SRRM4: variants seen among roughly 807,000 people sequenced by gnomAD.
The protein encoded by SRRM4 is serine/arginine repetitive matrix protein 4.
Under a neutral mutation model 68.9 loss-of-function variants are expected in SRRM4, and 33 were observed. That is an observed-to-expected ratio of 0.48 (90% confidence interval 0.36 to 0.64). SRRM4 has a LOEUF of 0.64. Among genes scored for constraint, SRRM4 ranks in the 30% least tolerant of loss-of-function variants. The pLI, the probability that SRRM4 is intolerant of heterozygous loss-of-function variation, is 0.00. For synonymous variants in SRRM4, 318 were observed against 318.8 expected, an observed-to-expected ratio of 1.00 and a Z score of 0.03; for missense variants, 817 against 827.1, an observed-to-expected ratio of 0.99 and a Z score of 0.15.
chr12:119,011,296 C>G (rs980022181), intron 1 of SRRM4, among the ~76,000 whole-genome samples: 1 of 152,162 alleles, frequency 6.6e-6, no homozygotes, highest in Non-Finnish European at 1.5e-5. Context: ...GTTTTTCAAC[C>G]TTGGCACTAC....
intron 1 of SRRM4, among the ~76,000 whole-genome samples, chr12:119,092,800 C>T (rs1236241915): frequency 6.6e-6 from 1 of 152,102 alleles, no homozygotes; most frequent in African/African-American, 2.4e-5. Flanking sequence ...CCAATGAAGC[C>T]TCCAATGGCA....
chr12:119,059,043 C>T (rs1037224687), intron 1 of SRRM4, among the ~76,000 whole-genome samples: 1 of 152,178 alleles, frequency 6.6e-6, no homozygotes, highest in African/African-American at 2.4e-5. Context: ...GCCCAGCCCT[C>T]CTCTGTGCCC....
intron 9 of SRRM4, among the ~76,000 whole-genome samples, chr12:119,150,689 GA>G (rs1954433231): frequency 6.6e-6 from 1 of 152,078 alleles, no homozygotes; most frequent in South Asian, 2.1e-4. Context: ...ACTAGACAGG[GA>G]ATAAATTTCT....
chr12:119,160,289 G>GTCTCTCTCTCTCTCTCTCTCTGTCTC lies in SRRM4; in HGVS notation c.*3512_*3513insGTCTCTCTCTCTCTCTCTCTCTCTCT, dbSNP rs1954503927. On this transcript the variant is annotated 3_prime_UTR_variant, in exon 13 of 13. Transcript: ENST00000267260. ...TGTCTCTCTCTCTGTCTCTCTCTCT[G>GTCTCTCTCTCTCTCTCTCTCTGTCTC]TCTCTCTCTCTCTCTCTCTCTCTCT... 4 of 143,158 alleles carry GTCTCTCTCTCTCTCTCTCTCTGTCTC rather than the reference G, an allele frequency of 2.8e-5. No homozygotes were observed. Among genetic ancestry groups the GTCTCTCTCTCTCTCTCTCTCTGTCTC allele is most frequent in the African/African-American group, 1.0e-4 (4 of 38,202 alleles). The allele number at this position is 143,158 out of a possible 1,614,324, so 8.9% of individuals were successfully genotyped here.
At chr12:119,069,644 G>A (rs570426811) in intron 1 of SRRM4, 10 of 152,298 alleles carry the variant, frequency 6.6e-5, no homozygotes, top group African/African-American at 2.2e-4. Flanking sequence ...AGCACCCTCA[G>A]CCAATGAGAT....
chr12:119,133,009 A>C (rs1465185323), intron 8 of SRRM4: 1 of 152,210 alleles, frequency 6.6e-6, no homozygotes, highest in Non-Finnish European at 1.5e-5. Context: ...TTCAGAAGGC[A>C]GCTGTTGAGC....
intron 1 of SRRM4, among the ~76,000 whole-genome samples, chr12:119,062,507 CTG>C (rs1473939881): frequency 1.3e-5 from 2 of 152,270 alleles, no homozygotes; most frequent in East Asian, 3.9e-4. Context: ...TGCAAACACA[CTG>C]TGCAGCTGTA....
chr12:119,053,012 A>G (rs1953754660), intron 1 of SRRM4, among the ~76,000 whole-genome samples: 1 of 152,222 alleles, frequency 6.6e-6, no homozygotes, highest in Non-Finnish European at 1.5e-5. Flanking sequence ...ATGGAATCTC[A>G]TGGTGAGAAA....
At chr12:119,029,744 G>A (rs573336914) in intron 1 of SRRM4, among the ~76,000 whole-genome samples, 2 of 152,288 alleles carry the variant, frequency 1.3e-5, no homozygotes, top group African/African-American at 4.8e-5. Context: ...ATGTTTTGAT[G>A]GTGATGGAAC....
chr12:118,982,996 G>A (rs1953260073), intron 1 of SRRM4, among the ~76,000 whole-genome samples: 1 of 152,182 alleles, frequency 6.6e-6, no homozygotes, highest in Admixed American at 6.5e-5. Context: ...TGTTGGATGA[G>A]TGGTTTAGTA....
At position 119,160,489 on chromosome 12, in the gene SRRM4, A is replaced by G. The variant is rs1340321259; in HGVS notation, c.*3691A>G. The G allele has an allele frequency of 6.6e-6, 1 of 152,148 alleles. No individual in the cohort carries two copies. The highest frequency in any genetic ancestry group is 2.4e-5 in the African/African-American group (1 of 41,440). The allele number at this position is 152,148 out of a possible 1,614,324, so 9.4% of individuals were successfully genotyped here. On this transcript the variant is annotated 3_prime_UTR_variant, in exon 13 of 13. Transcript: ENST00000267260. ...CTTCTGCTTCCAAGGAATATGACAG[A>G]TCACCAGGATGCTGCTCGTCGTGAG...
chr12:119,044,377 A>G (rs980214874), intron 1 of SRRM4, among the ~76,000 whole-genome samples: 1 of 152,198 alleles, frequency 6.6e-6, no homozygotes, highest in Admixed American at 6.5e-5. Flanking sequence ...GGGCAGGTAC[A>G]GACAGTAGCA....
At chr12:119,100,325 T>TCCAAAAAAA (rs1954070660) in intron 1 of SRRM4, among the ~76,000 whole-genome samples, 2 of 24,356 alleles carry the variant, frequency 8.2e-5, no homozygotes, top group South Asian at 2.4e-3. Context: ...ACCCTGTCTC[T>TCCAAAAAAA]ACAAAAAAAA....
chr12:119,073,647 G>T (rs1182708876), intron 1 of SRRM4, among the ~76,000 whole-genome samples: 1 of 151,990 alleles, frequency 6.6e-6, no homozygotes, highest in Non-Finnish European at 1.5e-5. Context: ...TTGAGACAAA[G>T]TCTCACTCTG....
At chr12:119,044,112 A>C (rs10849621) in intron 1 of SRRM4, among the ~76,000 whole-genome samples, 119,209 of 152,098 alleles carry the variant, frequency 0.78, 47,251 homozygotes, top group Middle Eastern at 0.92. Flanking sequence ...GGTAATCCAC[A>C]CGCCTCGGCC....
intron 1 of SRRM4, among the ~76,000 whole-genome samples, chr12:118,995,098 G>A (rs1953340426): frequency 6.6e-6 from 1 of 152,106 alleles, no homozygotes; most frequent in African/African-American, 2.4e-5. Flanking sequence ...CTGTCAAAAG[G>A]TTTAATAATA....
Position 118,982,681 on chromosome 12 carries a change from T to G in SRRM4, c.131+668T>G, listed in dbSNP as rs866371513. Reference sequence around the variant, plus strand: ...AGAGTTTTATTTTGTTTTTTTTTGTTTTTTTTTTTTTTTTCCAAAAAGAAT... The same window carrying G: ...AGAGTTTTATTTTGTTTTTTTTTGTGTTTTTTTTTTTTTTCCAAAAAGAAT... On this transcript the variant is annotated intron_variant, in intron 1 of 12. Coordinates refer to ENST00000267260, the MANE Select transcript of SRRM4 (RefSeq NM_194286.4). Among the ~76,000 whole-genome samples, 55 of 116,856 alleles carry G rather than the reference T, an allele frequency of 4.7e-4. 1 individual carries two copies. Among genetic ancestry groups the G allele is most frequent in the African/African-American group, 1.5e-3 (48 of 32,926 alleles). The allele number at this position is 116,856 out of a possible 152,430, so 76.7% of individuals were successfully genotyped here. A position where few individuals can be genotyped will look rare whatever the true frequency, so the allele number is the denominator to read the frequency against.
intron 1 of SRRM4, among the ~76,000 whole-genome samples, chr12:119,060,727 T>C (rs1241721830): frequency 6.6e-6 from 1 of 152,076 alleles, no homozygotes. Flanking sequence ...ATTTCTCTCA[T>C]ATGCTGGATC....
At chr12:119,130,076 G>A (rs1266534673) in intron 7 of SRRM4, among the ~76,000 whole-genome samples, 1 of 151,768 alleles carries the variant, frequency 6.6e-6, no homozygotes, top group Non-Finnish European at 1.5e-5. Flanking sequence ...TGGATGGATG[G>A]TTGGATGATT....
Sources: gnomAD v4.1 joint callset for allele counts (sites outside exome capture counted in the v4.1 genomes callset) on GRCh38, gnomAD v4.1.1 for gene constraint, MANE v1.5 for transcripts, NCBI Gene and HGNC (gene_info 2026-07-23, HGNC 2026-07-21) for gene names.